The following NID2 variants were observed in gnomAD, a reference collection of about 807,000 sequenced individuals.
NID2 encodes nidogen-2.
A neutral mutation model predicts 145.4 loss-of-function variants in NID2; 83 were observed. That is an observed-to-expected ratio of 0.57 (90% CI 0.48 to 0.69). The LOEUF is 0.69. Among genes scored for constraint, NID2 ranks in the 30% least tolerant of loss-of-function variants. The pLI, the probability that NID2 is intolerant of heterozygous loss-of-function variation, is 0.00. For missense variants in NID2, 1,807 were observed against 1,765.7 expected (o/e 1.02, Z -0.42); for synonymous variants, 739 against 701.3 (o/e 1.05, Z -0.85).
Position 52,011,587 on chromosome 14 carries a change from G to A in NID2, c.3517C>T (p.Leu1173=). The change falls in exon 17 of 22, where the codon CTG becomes TTG. Residue 1173 remains leucine, a synonymous_variant. Coordinates refer to ENST00000216286, the MANE Select transcript of NID2 (RefSeq NM_007361.4). ...GRTISRAGLE[L]GAEPETIVNS... is the part of the protein sequence containing the mutation. ...ACGATCGTCTCAGGCTCTGCTCCCA[G>A]TTCCAGACCAGCACGGCTGATTGTC... The A allele has an allele frequency of 1.9e-6, 3 of 1,614,160 alleles. No individual in the cohort carries two copies. Among genetic ancestry groups the A allele is most frequent in the Non-Finnish European group, 2.5e-6 (3 of 1,180,036 alleles).
intron 19 of NID2, 36 bp from the exon 20 acceptor site, chr14:52,006,696 C>G: frequency 1.2e-6 from 2 of 1,609,916 alleles, no homozygotes; most frequent in Non-Finnish European, 1.7e-6. Context: ...GGTCCTTCAG[C>G]TGCTTTGCCA....
At chr14:52,051,185 A>C (rs1892666827) in intron 5 of NID2, among the ~76,000 whole-genome samples, 1 of 78,814 alleles carries the variant, frequency 1.3e-5, no homozygotes, top group Non-Finnish European at 3.8e-5. Context: ...ATGAGTCCCT[A>C]AGGGGAAAAA....
intron 7 of NID2, among the ~76,000 whole-genome samples, chr14:52,041,695 A>G (rs940100531): frequency 6.6e-6 from 1 of 152,134 alleles, no homozygotes; most frequent in Admixed American, 6.5e-5. Context: ...CTATACTATT[A>G]TAGGTTGTGG....
chr14:52,055,006 A>T (rs1368136024), intron 3 of NID2, among the ~76,000 whole-genome samples: 11 of 152,230 alleles, frequency 7.2e-5, no homozygotes, highest in African/African-American at 2.4e-4. Context: ...AACACATTTT[A>T]AAAATGTATG....
intron 5 of NID2, among the ~76,000 whole-genome samples, chr14:52,048,521 T>C (rs1308517428): frequency 6.6e-6 from 1 of 152,172 alleles, no homozygotes; most frequent in African/African-American, 2.4e-5. Flanking sequence ...AGTGGCACTT[T>C]TTCTTTTCGG....
At chr14:52,049,138 C>T (rs1892603225) in intron 5 of NID2, among the ~76,000 whole-genome samples, 1 of 151,966 alleles carries the variant, frequency 6.6e-6, no homozygotes, top group Non-Finnish European at 1.5e-5. Context: ...TTGATAGTTG[C>T]TAAAGGATTC....
intron 12 of NID2, among the ~76,000 whole-genome samples, chr14:52,023,337 C>T (rs944261204): frequency 4.0e-5 from 5 of 124,124 alleles, no homozygotes; most frequent in Admixed American, 9.3e-5. Context: ...ATTAGCTGGG[C>T]ATGCTACTTG....
At chr14:52,041,114 G>A (rs143092187) in intron 7 of NID2, among the ~76,000 whole-genome samples, 37 of 152,160 alleles carry the variant, frequency 2.4e-4, no homozygotes, top group East Asian at 2.1e-3. Context: ...TCTTGGGAAC[G>A]TCCTTGACTT....
At chr14:52,019,038 T>C (rs903456325) in intron 14 of NID2, 23 bp downstream of exon 14, 20 of 1,591,822 alleles carry the variant, frequency 1.3e-5, no homozygotes, top group Non-Finnish European at 1.7e-5. Context: ...ATTCTGCTTC[T>C]TGAGCCCCAG....
Position 52,053,644 on chromosome 14 carries a change from G to T in NID2, c.1364C>A (p.Thr455Asn). ...ATACGTCCCTCGACTTAAGGGTGTA[G>T]TGTGACCTGAAGCAGGGTAACTTCG... ...VLRSYPASGH[T>N]TPLSRGTYEV... The change falls in exon 5 of 22, where the codon ACT becomes AAT. Residue 455 changes from threonine to asparagine, a missense_variant. Coordinates refer to ENST00000216286, the MANE Select transcript of NID2 (RefSeq NM_007361.4). The T allele has an allele frequency of 1.2e-6, 2 of 1,614,252 alleles. No individual in the cohort carries two copies. Among genetic ancestry groups the T allele is most frequent in the East Asian group, 4.5e-5 (2 of 44,884 alleles).
intron 7 of NID2, 148 bp downstream of exon 7, chr14:52,041,957 C>T (rs1000613677): frequency 2.1e-6 from 2 of 966,244 alleles, no homozygotes; most frequent in East Asian, 2.7e-5. Flanking sequence ...TTCCCAACAA[C>T]CTGTGGCCAG....
chr14:52,031,553 C>A (rs1374290208), intron 9 of NID2, among the ~76,000 whole-genome samples: 1 of 152,234 alleles, frequency 6.6e-6, no homozygotes, highest in East Asian at 1.9e-4. Flanking sequence ...ATAACTCAGG[C>A]TTCTGCCTCA....
intron 5 of NID2, among the ~76,000 whole-genome samples, chr14:52,048,173 A>T (rs998646716): frequency 6.6e-6 from 1 of 152,170 alleles, no homozygotes; most frequent in Non-Finnish European, 1.5e-5. Context: ...TCTCGTGCTC[A>T]TTTCTGGCCA....
chr14:52,012,751 A>AT (rs1171387528), intron 16 of NID2, among the ~76,000 whole-genome samples: 3 of 152,162 alleles, frequency 2.0e-5, no homozygotes, highest in Non-Finnish European at 2.9e-5. Context: ...TGAGTCTGAT[A>AT]TTTTTCCTCA....
In NID2 at chr14:52,038,837, G is replaced by C. The variant is rs2140396525; in HGVS notation, c.2167C>G (p.Gln723Glu). Residue 723 changes from glutamine to glutamate, a missense_variant, in exon 9 of 22, where the codon CAG (glutamine) becomes GAG (glutamate). Physicochemically the swap from Gln to Glu is conservative, Grantham distance 29. Transcript: ENST00000216286. ...PRHPSFPTTQQLNVDRVFALY... is the reference protein window; with the variant it reads ...PRHPSFPTTQELNVDRVFALY... ...GCAAAGACCCGGTCCACGTTCAGCTGCTGGGTGGTGGGGAAGGACGGGTGT... is the reference window on the plus strand; with the variant it reads ...GCAAAGACCCGGTCCACGTTCAGCTCCTGGGTGGTGGGGAAGGACGGGTGT... 6.2e-7 allele frequency: 1 copy of C among 1,614,032 alleles called. No individual in the cohort carries two copies. The highest frequency in any genetic ancestry group is 2.2e-5 in the East Asian group (1 of 44,884).
At chr14:52,018,037 T>G (rs1453364248) in intron 14 of NID2, among the ~76,000 whole-genome samples, 2 of 152,170 alleles carry the variant, frequency 1.3e-5, no homozygotes, top group African/African-American at 4.8e-5. Flanking sequence ...CAGGATGGTC[T>G]CAATCTCTTG....
chr14:52,042,496 T>C, intron 6 of NID2, 146 bp from the exon 7 acceptor site: 1 of 1,078,524 alleles, frequency 9.3e-7, no homozygotes. Context: ...ATTATCCATC[T>C]ATGAAACAGT....
Position 52,027,230 on chromosome 14 carries a change from C to G in NID2, c.2645G>C (p.Gly882Ala). 1 of 1,570,592 alleles carries G rather than the reference C, an allele frequency of 6.4e-7. No individual in the cohort carries two copies. Among genetic ancestry groups the G allele is most frequent in the Non-Finnish European group, 8.6e-7 (1 of 1,159,334 alleles). ...GCACTGGTGCCCATCGCCGGCATAA[C>G]CAGGCAGGCAGGCACAGCTGAACGT... ...GSTFSCACLPGYAGDGHQCTD... is the reference protein window; with the variant it reads ...GSTFSCACLPAYAGDGHQCTD... The change falls in exon 12 of 22, where the codon GGT becomes GCT. Residue 882 changes from glycine (G) to alanine (A), a missense_variant. Physicochemically the swap from Gly to Ala is moderately conservative, Grantham distance 60 (BLOSUM62 0). Transcript: ENST00000216286.
intron 5 of NID2, among the ~76,000 whole-genome samples, chr14:52,047,647 C>T (rs1471983885): frequency 6.6e-6 from 1 of 151,954 alleles, no homozygotes; most frequent in Non-Finnish European, 1.5e-5. Flanking sequence ...GAAGGTGGAA[C>T]CGAGAGGGTT....
Sources: gnomAD v4.1 joint callset for allele counts (sites outside exome capture counted in the v4.1 genomes callset) on GRCh38, gnomAD v4.1.1 for gene constraint, MANE v1.5 for transcripts, NCBI Gene and HGNC (gene_info 2026-07-23, HGNC 2026-07-21) for gene names.